ALPK1: variants seen among roughly 807,000 people sequenced by gnomAD.
The protein encoded by ALPK1 is alpha-protein kinase 1.
Under a neutral mutation model 120.6 loss-of-function variants are expected in ALPK1, and 110 were observed. The observed-to-expected ratio is 0.91, with a 90% CI of 0.78 to 1.07. The LOEUF is 1.07. Ranked by LOEUF, ALPK1 falls within the 50% of genes least tolerant of loss-of-function variation. ALPK1 has a pLI of 0.00. For synonymous variants in ALPK1, 582 were observed against 560.3 expected (o/e 1.04, Z -0.55); for missense variants, 1,498 against 1,483.9 (o/e 1.01, Z -0.16).
chr4:112,416,322 C>A (rs1394392230), intron 5 of ALPK1, among the ~76,000 whole-genome samples: 3 of 152,124 alleles, frequency 2.0e-5, no homozygotes, highest in Non-Finnish European at 4.4e-5. Context: ...GTTCCAACCC[C>A]ATAACTGACC....
At chr4:112,414,620 A>AAG (rs1553957280) in intron 5 of ALPK1, 6 of 178,812 alleles carry the variant, frequency 3.4e-5, no homozygotes, top group African/African-American at 1.4e-4. Flanking sequence ...AAAAAAAAAA[A>AAG]AGAGAGACGA....
intron 2 of ALPK1, among the ~76,000 whole-genome samples, chr4:112,367,087 TG>T (rs1293179440): frequency 6.6e-6 from 1 of 152,202 alleles, no homozygotes; most frequent in Non-Finnish European, 1.5e-5. Flanking sequence ...GACTACACAT[TG>T]GGTACAGTGT....
At chr4:112,399,001 T>C (rs1245092771) in intron 4 of ALPK1, among the ~76,000 whole-genome samples, 1 of 152,018 alleles carries the variant, frequency 6.6e-6, no homozygotes, top group African/African-American at 2.4e-5. Flanking sequence ...AAAAATAGAG[T>C]TCTGCTTTAA....
intron 4 of ALPK1, among the ~76,000 whole-genome samples, chr4:112,406,277 G>A (rs10032410): frequency 0.49 from 74,077 of 152,020 alleles, 18,638 homozygotes; most frequent in African/African-American, 0.62. Context: ...GTATATACAT[G>A]CAATGGAATA....
At chr4:112,388,522 T>G (rs1732252797) in intron 4 of ALPK1, among the ~76,000 whole-genome samples, 1 of 152,046 alleles carries the variant, frequency 6.6e-6, no homozygotes. Flanking sequence ...AATACAGAAT[T>G]CAAAAGCAGT....
intron 2 of ALPK1, among the ~76,000 whole-genome samples, chr4:112,333,664 G>A (rs531922935): frequency 6.6e-6 from 1 of 152,152 alleles, no homozygotes; most frequent in Non-Finnish European, 1.5e-5. Context: ...ACCCAAAGGA[G>A]CTATATTCCT....
chr4:112,316,315 T>G (rs1053491030), intron 2 of ALPK1: 3 of 152,236 alleles, frequency 2.0e-5, no homozygotes, highest in Non-Finnish European at 4.4e-5. Flanking sequence ...TGTGACTGGC[T>G]TCTGTCCTCA....
Position 112,441,372 on chromosome 4 carries a change from A to C in ALPK1, c.*162A>C. 1.4e-6 allele frequency: 1 copy of C among 722,258 alleles called. No homozygotes were observed. Among genetic ancestry groups the C allele is most frequent in the Non-Finnish European group, 2.5e-6 (1 of 397,090 alleles). 44.7% of individuals were successfully genotyped at this position (722,258 alleles called of 1,614,324 possible). On this transcript the variant is annotated 3_prime_UTR_variant, in exon 16 of 16. Transcript: ENST00000650871. ...TTTCCCTCTGCCACAGTTATCAAGA[A>C]TGGGTCAGGAGACCGCTGCTTCTGG...
intron 1 of ALPK1, among the ~76,000 whole-genome samples, chr4:112,309,346 G>T (rs1728286943): frequency 6.6e-6 from 1 of 152,190 alleles, no homozygotes; most frequent in South Asian, 2.1e-4. Flanking sequence ...GCCCCCAGAG[G>T]TAGAGTCTGC....
At chr4:112,314,554 G>A (rs1728551066) in intron 1 of ALPK1, among the ~76,000 whole-genome samples, 1 of 152,186 alleles carries the variant, frequency 6.6e-6, no homozygotes, top group South Asian at 2.1e-4. Flanking sequence ...TCAAGGAATG[G>A]AGAGTCCTGG....
intron 5 of ALPK1, among the ~76,000 whole-genome samples, chr4:112,416,469 A>G (rs140719878): frequency 6.6e-6 from 1 of 152,326 alleles, no homozygotes; most frequent in Admixed American, 6.5e-5. Flanking sequence ...AAAAAACTCA[A>G]AGAGATTTAA....
rs554496069 is a variant in ALPK1 at position 112,400,652 on chromosome 4, ATAACATTGATTTTACCCTCC to A, written c.277-11173_277-11154del. ...ATTTTGGAATTTGGGATGCCAGTAA[ATAACATTGATTTTACCCTCC>A]TGCATTCAGAACCAGTTGAAAGACA... On this transcript the variant is annotated intron_variant, in intron 4 of 15. Coordinates refer to ENST00000650871, the MANE Select transcript of ALPK1 (RefSeq NM_025144.4). Among the ~76,000 whole-genome samples the A allele has an allele frequency of 2.2e-3, 336 of 152,346 alleles. 1 individual carries two copies. Among genetic ancestry groups the A allele is most frequent in the African/African-American group, 7.7e-3 (322 of 41,580 alleles).
At chr4:112,307,242 A>C (rs1261186898) in intron 1 of ALPK1, among the ~76,000 whole-genome samples, 1 of 151,984 alleles carries the variant, frequency 6.6e-6, no homozygotes, top group East Asian at 1.9e-4. Context: ...TTTGGGGTGG[A>C]GAGTTGTGTA....
chr4:112,313,079 G>A (rs1221555118), intron 1 of ALPK1, among the ~76,000 whole-genome samples: 2 of 152,232 alleles, frequency 1.3e-5, no homozygotes, highest in African/African-American at 4.8e-5. Flanking sequence ...GAACTCAAGT[G>A]CAGATATCAA....
At chr4:112,337,775 A>G (rs377221317) in intron 2 of ALPK1, among the ~76,000 whole-genome samples, 1 of 152,290 alleles carries the variant, frequency 6.6e-6, no homozygotes, top group South Asian at 2.1e-4. Flanking sequence ...ATTTTAAATT[A>G]ATAATTTAGA....
chr4:112,350,566 G>A (rs1730310378), intron 2 of ALPK1, among the ~76,000 whole-genome samples: 1 of 152,206 alleles, frequency 6.6e-6, no homozygotes, highest in Non-Finnish European at 1.5e-5. Context: ...TTCTTCTGAA[G>A]ATAAACTATT....
chr4:112,317,103 T>C (rs1418855115), intron 2 of ALPK1, among the ~76,000 whole-genome samples: 4 of 152,196 alleles, frequency 2.6e-5, no homozygotes, highest in African/African-American at 9.6e-5. Flanking sequence ...TTTTTTGTTG[T>C]TGAGTTACAG....
intron 4 of ALPK1, among the ~76,000 whole-genome samples, chr4:112,402,908 C>T (rs1222058320): frequency 6.6e-6 from 1 of 152,150 alleles, no homozygotes; most frequent in Non-Finnish European, 1.5e-5. Flanking sequence ...TCTGTGATGG[C>T]AGGTCAGTCG....
At chr4:112,428,205 C>G (rs1260183808) in intron 9 of ALPK1, 1 of 152,980 alleles carries the variant, frequency 6.5e-6, no homozygotes. Flanking sequence ...AAATAAAATG[C>G]AGTGCAGAGA....
Sources: allele counts gnomAD v4.1 joint callset (sites outside exome capture counted in the v4.1 genomes callset), GRCh38; gene constraint gnomAD v4.1.1; transcripts MANE v1.5; gene names NCBI Gene and HGNC (gene_info 2026-07-23, HGNC 2026-07-21).